PDE1C: variants seen among roughly 807,000 people sequenced by gnomAD.
The protein encoded by PDE1C is phosphodiesterase 1C, also known as dual specificity calcium/calmodulin-dependent 3',5'-cyclic nucleotide phosphodiesterase 1C.
A neutral mutation model predicts 93.1 loss-of-function variants in PDE1C; 62 were observed. That is an observed-to-expected ratio of 0.67 (90% CI 0.54 to 0.82). PDE1C has a LOEUF of 0.82. Among genes scored for constraint, PDE1C ranks in the 40% least tolerant of loss-of-function variants. The pLI, the probability that PDE1C is intolerant of heterozygous loss-of-function variation, is 0.00. For synonymous variants in PDE1C, 325 were observed against 310.1 expected (o/e 1.05, Z -0.50); for missense variants, 742 against 884.6 (o/e 0.84, Z 2.04).
the PDE1C span, among the ~76,000 whole-genome samples, chr7:31,634,566 C>T: frequency 6.6e-6 from 1 of 152,098 alleles, no homozygotes; most frequent in African/African-American, 2.4e-5. Context: ...GTAGAGCAGG[C>T]TTCAAATTTT....
At position 31,836,581 on chromosome 7, in the gene PDE1C, C is replaced by T. The variant is rs1411803538; in HGVS notation, c.1203+599G>A. On this transcript the variant is annotated intron_variant, in intron 11 of 17. Transcript: ENST00000396191. ...ATCTCCTGACCTCATGATCCACCCG[C>T]CTTGGCCTCCCAAAGTGCTGCAATT... Among the ~76,000 whole-genome samples, 3 of 152,140 alleles carry T rather than the reference C, an allele frequency of 2.0e-5. No homozygotes were observed. In the East Asian group the frequency reaches 5.8e-4, roughly 29 times the overall value.
intron 1 of PDE1C, among the ~76,000 whole-genome samples, chr7:32,298,069 C>A (rs1350025397): frequency 8.7e-6 from 1 of 114,642 alleles, no homozygotes. Context: ...TCTCTCCCCT[C>A]TCTCTCTGAA....
intron 1 of PDE1C, among the ~76,000 whole-genome samples, chr7:32,367,772 T>C (rs1784253633): frequency 6.6e-6 from 1 of 151,914 alleles, no homozygotes; most frequent in South Asian, 2.1e-4. Flanking sequence ...GTGAGTCCCC[T>C]TCTCTACAAA....
At chr7:32,191,091 T>C (rs1804198647) in intron 2 of PDE1C, among the ~76,000 whole-genome samples, 1 of 152,222 alleles carries the variant, frequency 6.6e-6, no homozygotes, top group East Asian at 1.9e-4. Context: ...TGTGGTACTC[T>C]AAGGGCTTTG....
At chr7:32,085,224 A>C (rs1461343005) in intron 3 of PDE1C, among the ~76,000 whole-genome samples, 12 of 150,800 alleles carry the variant, frequency 8.0e-5, no homozygotes, top group South Asian at 4.3e-4. Context: ...ACTACAAACA[A>C]CTCTACGCAA....
chr7:31,628,519 G>A, the PDE1C span, among the ~76,000 whole-genome samples: 37,939 of 150,134 alleles, frequency 0.25, 5,623 homozygotes, highest in Non-Finnish European at 0.33. Context: ...GTACAGTGGC[G>A]CGACCTCAGC....
chr7:32,143,395 G>T (rs1028904846), intron 3 of PDE1C, among the ~76,000 whole-genome samples: 7 of 151,262 alleles, frequency 4.6e-5, no homozygotes, highest in African/African-American at 1.7e-4. Flanking sequence ...CAGCGAGAAG[G>T]GTAGAATCCT....
intron 16 of PDE1C, among the ~76,000 whole-genome samples, chr7:31,778,685 A>G (rs983501689): frequency 6.6e-6 from 1 of 152,196 alleles, no homozygotes; most frequent in African/African-American, 2.4e-5. Context: ...GTCATTGCTA[A>G]TAGTCACTCC....
intron 3 of PDE1C, among the ~76,000 whole-genome samples, chr7:32,158,749 C>G (rs1410666850): frequency 2.6e-5 from 4 of 152,154 alleles, no homozygotes; most frequent in African/African-American, 9.7e-5. Flanking sequence ...AATTCTGTAA[C>G]TTAATTTAAA....
intron 1 of PDE1C, among the ~76,000 whole-genome samples, chr7:32,313,683 C>T (rs1361097795): frequency 6.9e-6 from 1 of 145,980 alleles, no homozygotes; most frequent in Non-Finnish European, 1.5e-5. Context: ...TGTTCTCACT[C>T]ATAGGTGGGA....
chr7:31,836,420 C>T (rs1791116704), intron 11 of PDE1C, among the ~76,000 whole-genome samples: 1 of 152,120 alleles, frequency 6.6e-6, no homozygotes, highest in Non-Finnish European at 1.5e-5. Flanking sequence ...CTGCAACCTC[C>T]ATCTCCTGGG....
chr7:32,197,428 C>A (rs1223704324), intron 2 of PDE1C, among the ~76,000 whole-genome samples: 1 of 152,088 alleles, frequency 6.6e-6, no homozygotes, highest in Non-Finnish European at 1.5e-5. Context: ...CCATATAAAC[C>A]AGCAATTCCA....
At chr7:32,282,564 C>G (rs1036368041) in intron 1 of PDE1C, among the ~76,000 whole-genome samples, 3 of 137,912 alleles carry the variant, frequency 2.2e-5, no homozygotes, top group Admixed American at 7.5e-5. Flanking sequence ...AGTCAAATAA[C>G]AGAACAGTTT....
intron 1 of PDE1C, among the ~76,000 whole-genome samples, chr7:32,289,364 C>G (rs1020657253): frequency 6.6e-6 from 1 of 152,174 alleles, no homozygotes; most frequent in Non-Finnish European, 1.5e-5. Context: ...GAACCGTGAT[C>G]GTACCATTGC....
intron 9 of PDE1C, among the ~76,000 whole-genome samples, chr7:31,844,522 G>A (rs776467339): frequency 6.6e-6 from 1 of 151,788 alleles, no homozygotes; most frequent in Non-Finnish European, 1.5e-5. Flanking sequence ...ATAGTCTACT[G>A]TGATTCAACT....
the PDE1C span, among the ~76,000 whole-genome samples, chr7:31,650,483 A>G: frequency 6.6e-6 from 1 of 152,160 alleles, no homozygotes; most frequent in Admixed American, 6.5e-5. Context: ...GAGTTAAACG[A>G]TGACTACATC....
At chr7:32,086,364 C>A (rs1184015619) in intron 3 of PDE1C, among the ~76,000 whole-genome samples, 1 of 152,104 alleles carries the variant, frequency 6.6e-6, no homozygotes, top group Non-Finnish European at 1.5e-5. Context: ...AGGATACAAA[C>A]AAATGGAAGA....
At chr7:32,205,993 C>G (rs111494105) in intron 2 of PDE1C, among the ~76,000 whole-genome samples, 4 of 152,140 alleles carry the variant, frequency 2.6e-5, no homozygotes, top group South Asian at 4.1e-4. Context: ...GTCAGCGAGA[C>G]CAAGAACCCA....
At chr7:31,675,583 T>C in the PDE1C span, among the ~76,000 whole-genome samples, 2 of 152,042 alleles carry the variant, frequency 1.3e-5, no homozygotes, top group South Asian at 2.1e-4. Flanking sequence ...GTACCTTGAC[T>C]GATACACACA....
Sources: allele counts gnomAD v4.1 joint callset (sites outside exome capture counted in the v4.1 genomes callset), GRCh38; gene constraint gnomAD v4.1.1; transcripts MANE v1.5; gene names NCBI Gene and HGNC (gene_info 2026-07-23, HGNC 2026-07-21).